The following NEB variants were observed in gnomAD, a reference collection of about 807,000 sequenced individuals.
NEB encodes the protein nemaline myopathy type 2.
In NEB, 512 loss-of-function variants were observed where a neutral mutation model predicts 952.2. That is an observed-to-expected ratio of 0.54 (90% CI 0.50 to 0.58). NEB has a LOEUF of 0.58. Ranked by LOEUF, NEB falls within the 20% of genes least tolerant of loss-of-function variation. The pLI, the probability that NEB is intolerant of heterozygous loss-of-function variation, is 0.00. For synonymous variants in NEB, 2,900 were observed against 3,149.8 expected, an observed-to-expected ratio of 0.92 and a Z score of 2.66; for missense variants, 8,428 against 9,231.1, an observed-to-expected ratio of 0.91 and a Z score of 3.56.
intron 167 of NEB, 75 bp from the exon 168 acceptor site, chr2:151,501,558 C>G: frequency 1.3e-6 from 1 of 752,196 alleles, no homozygotes; most frequent in Admixed American, 3.6e-5. Context: ...AAAAAAACAG[C>G]CTAAAAGAAG....
chr2:151,638,743 T>G (rs2098807035), intron 63 of NEB, among the ~76,000 whole-genome samples: 1 of 152,148 alleles, frequency 6.6e-6, no homozygotes, highest in Non-Finnish European at 1.5e-5. Flanking sequence ...CGTGGCCCTG[T>G]GCACACTGAA....
intron 161 of NEB, among the ~76,000 whole-genome samples, chr2:151,509,952 A>T (rs1424440081): frequency 2.0e-5 from 3 of 152,198 alleles, no homozygotes; most frequent in Non-Finnish European, 4.4e-5. Flanking sequence ...AAGGCCTGGA[A>T]ATTATCACCA....
chr2:151,667,604 T>G (rs1022892718), intron 40 of NEB, among the ~76,000 whole-genome samples, 200 bp downstream of exon 40: 1 of 152,130 alleles, frequency 6.6e-6, no homozygotes, highest in Non-Finnish European at 1.5e-5. Flanking sequence ...CACAGCTCAC[T>G]GCAGCTTCAA....
At position 151,563,739 on chromosome 2, in the gene NEB, T is replaced by A; in HGVS notation, c.18580-20A>T. 1 of 1,610,224 alleles carries A rather than the reference T, an allele frequency of 6.2e-7. No homozygotes were observed. Among genetic ancestry groups the A allele is most frequent in the Non-Finnish European group, 8.5e-7 (1 of 1,176,540 alleles). On this transcript the variant is annotated intron_variant, in intron 118 of 181. Coordinates refer to ENST00000397345, the MANE Select transcript of NEB (RefSeq NM_001164508.2). ...TTTAAGCTGTAAAGTGGGTTAAACATTGAGAATCGCTGGAGTTTCCTAACC... is the reference window on the plus strand; with the variant it reads ...TTTAAGCTGTAAAGTGGGTTAAACAATGAGAATCGCTGGAGTTTCCTAACC...
chr2:151,513,452 G>T, intron 160 of NEB, 128 bp downstream of exon 160: 1 of 681,734 alleles, frequency 1.5e-6, no homozygotes, highest in Non-Finnish European at 2.5e-6. Flanking sequence ...CTTCCTCCAG[G>T]CAGATGTTCA....
At position 151,715,005 on chromosome 2, in the gene NEB, G is replaced by T. The variant is rs946361410; in HGVS notation, c.822+2411C>A. Among the ~76,000 whole-genome samples the T allele has an allele frequency of 7.2e-5, 11 of 152,264 alleles. No homozygotes were observed. In the South Asian group the frequency reaches 1.5e-3, roughly 20 times the overall value. The stretch of plus-strand genomic sequence containing the variant: ...ATAGTCATTAAGAACTCAGAAATCT[G>T]GGTTAAGACTGGGAATAAATAATGT... On this transcript the variant is annotated intron_variant, in intron 10 of 181. Coordinates refer to ENST00000397345, the MANE Select transcript of NEB (RefSeq NM_001164508.2).
intron 71 of NEB, among the ~76,000 whole-genome samples, chr2:151,622,566 ATG>A: frequency 1.3e-5 from 2 of 152,098 alleles, no homozygotes; most frequent in East Asian, 3.9e-4. Context: ...CTCTCTCTTT[ATG>A]TGTTTGTGTA....
intron 124 of NEB, among the ~76,000 whole-genome samples, chr2:151,560,124 A>C (rs2095935759): frequency 6.6e-6 from 1 of 152,174 alleles, no homozygotes; most frequent in Non-Finnish European, 1.5e-5. Context: ...AGTTCTACCT[A>C]AAAAAGGAGA....
In NEB at chr2:151,629,554, C is replaced by T; in HGVS notation, c.9816G>A (p.Arg3272=). Residue 3272 remains arginine, a synonymous_variant, in exon 68 of 182, where the codon AGG becomes AGA. Coordinates refer to ENST00000397345, the MANE Select transcript of NEB (RefSeq NM_001164508.2). ...TGCTACTCACATCACTGATAACGTC[C>T]CTGGAGGCCTTGGCAGCCACGATGG... ...AIPIVAAKAS[R]DVISDYKYKD... 6.2e-7 allele frequency: 1 copy of T among 1,613,380 alleles called. No individual in the cohort carries two copies. The highest frequency in any genetic ancestry group is 8.5e-7 in the Non-Finnish European group (1 of 1,179,428).
In NEB at chr2:151,545,888, C is replaced by G. The variant is rs1286787866; in HGVS notation, c.20577G>C (p.Glu6859Asp). 1.3e-6 allele frequency: 2 copies of G among 1,576,434 alleles called. No individual in the cohort carries two copies. The highest frequency in any genetic ancestry group is 2.2e-5 in the East Asian group (1 of 44,550). ...TCAATGACAAGTAAAGCGTCCTTAC[C>G]TCACTCAGATGTGTCTTCAGTTCTT... ...KVQELKTHLS[E>D]LVYRAAGKKQ... The change falls in exon 135 of 182, where the codon GAG becomes GAC. Residue 6859 changes from glutamate (E) to aspartate (D), a missense_variant and splice_region_variant. Physicochemically the swap from Glu to Asp is conservative, Grantham distance 45 (BLOSUM62 2). Coordinates refer to ENST00000397345, the MANE Select transcript of NEB (RefSeq NM_001164508.2).
chr2:151,636,382 A>C (rs773258233), intron 63 of NEB, 48 bp from the exon 64 acceptor site: 84 of 1,426,430 alleles, frequency 5.9e-5, no homozygotes, highest in Non-Finnish European at 8.0e-5. Flanking sequence ...ATATCTAAAA[A>C]CTGACAGAGG....
chr2:151,657,935 C>G (rs952423927), intron 48 of NEB, 48 bp downstream of exon 48: 1 of 1,318,370 alleles, frequency 7.6e-7, no homozygotes, highest in Non-Finnish European at 1.1e-6. Context: ...CTTATTATTT[C>G]GGTTCCTTAG....
chr2:151,667,777 A>C (rs776922625), intron 40 of NEB, 27 bp downstream of exon 40: 4 of 1,582,842 alleles, frequency 2.5e-6, no homozygotes, highest in Non-Finnish European at 3.5e-6. Flanking sequence ...TTAGATAGAA[A>C]GTTTCCTACT....
At chr2:151,639,748 T>C in intron 62 of NEB, 109 bp downstream of exon 62, 1 of 912,210 alleles carries the variant, frequency 1.1e-6, no homozygotes, top group East Asian at 2.6e-5. Context: ...CATAGACAGA[T>C]AGATAGATGC....
At chr2:151,486,247 G>A in intron 181 of NEB, 1 of 251,296 alleles carries the variant, frequency 4.0e-6, no homozygotes, top group Non-Finnish European at 7.7e-6. Flanking sequence ...GCACACAAAA[G>A]GATGCTCAAA....
At chr2:151,581,455 GA>G (rs1358849249) in intron 103 of NEB, 27 bp downstream of exon 103, 1 of 657,588 alleles carries the variant, frequency 1.5e-6, no homozygotes. Flanking sequence ...AGAGCACTGT[GA>G]AAAGCAAATG....
intron 72 of NEB, 71 bp downstream of exon 72, chr2:151,620,848 A>C: frequency 1.7e-6 from 2 of 1,206,848 alleles, no homozygotes; most frequent in Non-Finnish European, 2.4e-6. Flanking sequence ...ATGATGACCA[A>C]AGAGACATCC....
intron 164 of NEB, chr2:151,505,883 T>G (rs1244807392): frequency 1.8e-6 from 1 of 546,942 alleles, no homozygotes; most frequent in African/African-American, 1.9e-5. Context: ...ATAAACAGAT[T>G]GACATACATA....
intron 63 of NEB, 140 bp from the exon 64 acceptor site, chr2:151,636,474 G>T: frequency 1.4e-6 from 1 of 715,714 alleles, no homozygotes; most frequent in Non-Finnish European, 2.2e-6. Context: ...CTGCATGTTT[G>T]TTGAAGTGAA....
Sources: gnomAD v4.1 joint callset for allele counts (sites outside exome capture counted in the v4.1 genomes callset) on GRCh38, gnomAD v4.1.1 for gene constraint, MANE v1.5 for transcripts, NCBI Gene and HGNC (gene_info 2026-07-23, HGNC 2026-07-21) for gene names.